TENM3: variants seen among roughly 807,000 people sequenced by gnomAD.
TENM3 encodes the protein teneurin transmembrane protein 3.
A neutral mutation model predicts 255.1 loss-of-function variants in TENM3; 63 were observed. That is an observed-to-expected ratio of 0.25 (90% confidence interval 0.20 to 0.30). The LOEUF is 0.30. TENM3 is among the 10% of genes least tolerant of loss of function. TENM3 has a pLI of 1.00. For missense variants in TENM3, 2,929 were observed against 3,461.1 expected (o/e 0.85, Z 3.86); for synonymous variants, 1,306 against 1,322.3 (o/e 0.99, Z 0.27).
At chr4:182,345,052 C>T (rs936801072) in intron 2 of TENM3, among the ~76,000 whole-genome samples, 37 of 151,994 alleles carry the variant, frequency 2.4e-4, no homozygotes, top group Middle Eastern at 3.4e-3. Flanking sequence ...GGTTCAGATA[C>T]GTGTTCACAT....
chr4:181,851,495 C>T, the TENM3 span, among the ~76,000 whole-genome samples: 1 of 152,162 alleles, frequency 6.6e-6, no homozygotes, highest in Non-Finnish European at 1.5e-5. Context: ...TTAAAGATCT[C>T]CCATCTGTAG....
At chr4:181,532,734 T>C in the TENM3 span, among the ~76,000 whole-genome samples, 6 of 152,344 alleles carry the variant, frequency 3.9e-5, no homozygotes, top group Admixed American at 6.5e-5. Flanking sequence ...TTCTATTTTA[T>C]ATCCTAGTAG....
intron 20 of TENM3, 84 bp downstream of exon 20, chr4:182,752,116 T>C (rs1762420178): frequency 1.2e-6 from 1 of 860,132 alleles, no homozygotes; most frequent in Non-Finnish European, 1.7e-6. Context: ...TAGTGCCTAG[T>C]CATGTTTAAT....
intron 1 of TENM3, among the ~76,000 whole-genome samples, chr4:182,230,403 G>C (rs1253571372): frequency 1.3e-5 from 2 of 152,062 alleles, no homozygotes; most frequent in African/African-American, 4.8e-5. Flanking sequence ...GGATGGGGAC[G>C]TGACGTTTCC....
the TENM3 span, among the ~76,000 whole-genome samples, chr4:181,470,564 T>C: frequency 2.0e-5 from 3 of 152,310 alleles, no homozygotes; most frequent in South Asian, 2.1e-4. Context: ...TATGAGCCCG[T>C]GCTGATTGGA....
chr4:182,759,473 G>A (rs970071115), intron 22 of TENM3, among the ~76,000 whole-genome samples: 6 of 152,236 alleles, frequency 3.9e-5, no homozygotes, highest in South Asian at 4.2e-4. Context: ...AAATGTTAAC[G>A]TTGCCCATTT....
chr4:181,746,502 G>A, the TENM3 span, among the ~76,000 whole-genome samples: 2 of 152,084 alleles, frequency 1.3e-5, no homozygotes, highest in Admixed American at 1.3e-4. Flanking sequence ...ATGATTCAAA[G>A]ATAGGGTATT....
At chr4:181,943,109 G>T in the TENM3 span, among the ~76,000 whole-genome samples, 1 of 152,098 alleles carries the variant, frequency 6.6e-6, no homozygotes, top group African/African-American at 2.4e-5. Flanking sequence ...TGTAATTTTA[G>T]GGCAAAGGAA....
At chr4:181,482,919 AC>A in the TENM3 span, among the ~76,000 whole-genome samples, 1 of 152,138 alleles carries the variant, frequency 6.6e-6, no homozygotes, top group Non-Finnish European at 1.5e-5. Flanking sequence ...TTCGGCCGAT[AC>A]CTAGAGTGAG....
the TENM3 span, among the ~76,000 whole-genome samples, chr4:181,973,884 GAGA>G: frequency 3.9e-5 from 6 of 152,202 alleles, no homozygotes; most frequent in African/African-American, 1.4e-4. Context: ...GAGATAACTG[GAGA>G]AGAAGCATTT....
chr4:181,931,008 A>G, the TENM3 span, among the ~76,000 whole-genome samples: 1 of 152,222 alleles, frequency 6.6e-6, no homozygotes, highest in African/African-American at 2.4e-5. Flanking sequence ...TATTGATGGA[A>G]CATATCTCAA....
intron 1 of TENM3, among the ~76,000 whole-genome samples, chr4:182,159,488 C>G (rs1579541358): frequency 6.8e-6 from 1 of 147,414 alleles, no homozygotes; most frequent in African/African-American, 2.6e-5. Context: ...GTGTGTGTAT[C>G]AGGATGGTGC....
At chr4:182,114,637 T>C in the TENM3 span, among the ~76,000 whole-genome samples, 40,267 of 151,952 alleles carry the variant, frequency 0.26, 5,937 homozygotes, top group East Asian at 0.52. Flanking sequence ...AATAAACATC[T>C]TCTGTTAAGG....
chr4:182,029,468 C>T, the TENM3 span, among the ~76,000 whole-genome samples: 2 of 149,948 alleles, frequency 1.3e-5, no homozygotes, highest in African/African-American at 4.9e-5. Flanking sequence ...GGGCCTATCT[C>T]TCTCTTTAGC....
At chr4:181,451,971 A>C in the TENM3 span, among the ~76,000 whole-genome samples, 1 of 152,100 alleles carries the variant, frequency 6.6e-6, no homozygotes, top group Non-Finnish European at 1.5e-5. Flanking sequence ...CACCTTGGAG[A>C]GGAGAATGAG....
At chr4:181,516,697 A>C in the TENM3 span, among the ~76,000 whole-genome samples, 1 of 151,748 alleles carries the variant, frequency 6.6e-6, no homozygotes, top group Non-Finnish European at 1.5e-5. Context: ...AATCGCTGGA[A>C]CTCGGGAGGG....
chr4:181,553,826 G>A, the TENM3 span, among the ~76,000 whole-genome samples: 2 of 151,978 alleles, frequency 1.3e-5, no homozygotes, highest in Non-Finnish European at 2.9e-5. Flanking sequence ...TGAAGCTGGG[G>A]ACAAACTCAT....
intron 1 of TENM3, among the ~76,000 whole-genome samples, chr4:182,228,193 TGTG>T (rs1756310259): frequency 1.3e-5 from 2 of 151,974 alleles, no homozygotes; most frequent in Admixed American, 1.3e-4. Flanking sequence ...AATGTTGTAT[TGTG>T]GTGGGGATTT....
At chr4:181,634,384 CTT>C in the TENM3 span, among the ~76,000 whole-genome samples, 9,114 of 122,876 alleles carry the variant, frequency 0.074, 315 homozygotes, top group African/African-American at 0.16. Context: ...TTTTTTAATT[CTT>C]TTTTTTTTTT....
Sources: allele counts gnomAD v4.1 joint callset (sites outside exome capture counted in the v4.1 genomes callset), GRCh38; gene constraint gnomAD v4.1.1; transcripts MANE v1.5; gene names NCBI Gene and HGNC (gene_info 2026-07-23, HGNC 2026-07-21).